PIK3C2A: variants seen among roughly 807,000 people sequenced by gnomAD.
The protein encoded by PIK3C2A is phosphatidylinositol 4-phosphate 3-kinase C2 domain-containing subunit alpha.
In PIK3C2A, 97 loss-of-function variants were observed where a neutral mutation model predicts 204.5. The observed-to-expected ratio is 0.47, with a 90% CI of 0.40 to 0.56. The LOEUF (loss-of-function observed/expected upper bound fraction) is 0.56. Among genes scored for constraint, PIK3C2A ranks in the 20% least tolerant of loss-of-function variants. The pLI, the probability that PIK3C2A is intolerant of heterozygous loss-of-function variation, is 0.00. For missense variants in PIK3C2A, 1,735 were observed against 1,969.2 expected (o/e 0.88, Z 2.25); for synonymous variants, 653 against 664.4 (o/e 0.98, Z 0.26).
At position 17,150,670 on chromosome 11, in the gene PIK3C2A, G is replaced by A. The variant is rs772664136; in HGVS notation, c.1170-15C>T. The A allele has an allele frequency of 3.2e-6, 5 of 1,560,186 alleles. No homozygotes were observed. In the East Asian group the frequency reaches 9.2e-5, roughly 29 times the overall value. On this transcript the variant is annotated splice_polypyrimidine_tract_variant and intron_variant, in intron 3 of 32. Coordinates refer to ENST00000691414, the MANE Select transcript of PIK3C2A (RefSeq NM_002645.4). ...TGGTCTTCAATCTGTTCACAAGAAA[G>A]AAGAAATTAAATTCTTTTTTAAAAA...
At chr11:17,102,084 A>C (rs539082291) in intron 24 of PIK3C2A, among the ~76,000 whole-genome samples, 163 of 152,230 alleles carry the variant, frequency 1.1e-3, no homozygotes, top group African/African-American at 3.7e-3. Context: ...ACACGAAATC[A>C]TTTCTTTCTA....
At chr11:17,101,883 G>A (rs746443579) in intron 24 of PIK3C2A, among the ~76,000 whole-genome samples, 23 of 151,960 alleles carry the variant, frequency 1.5e-4, no homozygotes, top group Middle Eastern at 3.4e-3. Flanking sequence ...GATTACAGGC[G>A]TGAGCCACTG....
chr11:17,126,001 G>A (rs956697154), intron 13 of PIK3C2A, among the ~76,000 whole-genome samples: 2 of 151,974 alleles, frequency 1.3e-5, no homozygotes, highest in African/African-American at 4.8e-5. Flanking sequence ...GCACACACCT[G>A]TAATCTCAGC....
chr11:17,202,209 T>C (rs1388642440), intron 1 of PIK3C2A, among the ~76,000 whole-genome samples: 1 of 150,000 alleles, frequency 6.7e-6, no homozygotes, highest in Non-Finnish European at 1.5e-5. Flanking sequence ...TGAGCTGAGA[T>C]TGCGCCATTG....
chr11:17,119,512 T>G (rs1052435117), intron 16 of PIK3C2A, among the ~76,000 whole-genome samples, 199 bp from the exon 17 acceptor site: 3 of 152,222 alleles, frequency 2.0e-5, no homozygotes, highest in African/African-American at 7.2e-5. Flanking sequence ...TATTTAGGAA[T>G]CTTAAGTTTA....
intron 13 of PIK3C2A, among the ~76,000 whole-genome samples, chr11:17,125,468 A>T (rs1358884700): frequency 6.6e-6 from 1 of 152,174 alleles, no homozygotes; most frequent in African/African-American, 2.4e-5. Flanking sequence ...TTGCAAAATT[A>T]TAATATTCTA....
At chr11:17,099,657 A>G (rs1848558136) in intron 26 of PIK3C2A, among the ~76,000 whole-genome samples, 1 of 152,232 alleles carries the variant, frequency 6.6e-6, no homozygotes, top group Non-Finnish European at 1.5e-5. Flanking sequence ...GAGGCAAATA[A>G]GTATATTTTA....
intron 11 of PIK3C2A, among the ~76,000 whole-genome samples, chr11:17,132,500 T>G (rs1590944538): frequency 1.3e-5 from 2 of 149,246 alleles, no homozygotes; most frequent in East Asian, 3.9e-4. Context: ...CGGCTAATTT[T>G]TTGTATTTTT....
At chr11:17,197,837 T>C (rs556182263) in intron 1 of PIK3C2A, among the ~76,000 whole-genome samples, 2 of 152,338 alleles carry the variant, frequency 1.3e-5, no homozygotes, top group South Asian at 2.1e-4. Flanking sequence ...TTATGGTATA[T>C]ACCTGCATTT....
At chr11:17,185,064 T>A (rs1851708419) in intron 1 of PIK3C2A, among the ~76,000 whole-genome samples, 1 of 152,130 alleles carries the variant, frequency 6.6e-6, no homozygotes, top group Non-Finnish European at 1.5e-5. Flanking sequence ...TTGCATTCAC[T>A]CACTATTCAC....
intron 2 of PIK3C2A, among the ~76,000 whole-genome samples, chr11:17,166,856 T>G (rs1457873713): frequency 6.6e-6 from 1 of 152,096 alleles, no homozygotes. Flanking sequence ...ACCTATAAAA[T>G]AGAGACCCAC....
intron 3 of PIK3C2A, among the ~76,000 whole-genome samples, chr11:17,152,357 T>G (rs936398763): frequency 6.6e-6 from 1 of 152,204 alleles, no homozygotes; most frequent in African/African-American, 2.4e-5. Flanking sequence ...CCATGGTTTG[T>G]TTGCTTTATA....
At chr11:17,144,826 C>T (rs1850175922) in intron 8 of PIK3C2A, among the ~76,000 whole-genome samples, 1 of 132,228 alleles carries the variant, frequency 7.6e-6, no homozygotes, top group African/African-American at 2.8e-5. Context: ...AACCAGGAGG[C>T]AGAGGTTGCA....
At chr11:17,207,522 GC>G (rs1169741107) in intron 1 of PIK3C2A, among the ~76,000 whole-genome samples, 1 of 151,514 alleles carries the variant, frequency 6.6e-6, no homozygotes, top group Non-Finnish European at 1.5e-5. Flanking sequence ...GGGGCCGGCG[GC>G]CGGGGGGCCT....
intron 1 of PIK3C2A, among the ~76,000 whole-genome samples, chr11:17,199,716 G>A (rs1295774152): frequency 1.3e-5 from 2 of 152,156 alleles, no homozygotes; most frequent in African/African-American, 2.4e-5. Context: ...GCCAAGGCAG[G>A]TGGATCAAGA....
At chr11:17,099,805 A>G in intron 26 of PIK3C2A, 55 bp downstream of exon 26, 1 of 812,870 alleles carries the variant, frequency 1.2e-6, no homozygotes, top group Non-Finnish European at 2.1e-6. Context: ...CTAAGGTAAA[A>G]CAAATCAAAG....
chr11:17,094,307 G>C lies in PIK3C2A; in HGVS notation c.4405C>G (p.Leu1469Val), dbSNP rs1218758405. ...AAAATAATACTGAGCTTATTGTGAA[G>C]TTCCTGAAATTCGTCAAATGTTCGG... is the stretch of plus-strand genomic sequence containing the variant. ...VFRTFDEFQELHNKLSIIFPL... is the reference protein window; with the variant it reads ...VFRTFDEFQEVHNKLSIIFPL... Residue 1469 changes from leucine to valine, a missense_variant, in exon 28 of 33, where the codon CTT (leucine) becomes GTT (valine). Transcript: ENST00000691414. The C allele has an allele frequency of 6.2e-7, 1 of 1,610,632 alleles. No homozygotes were observed. Among genetic ancestry groups the C allele is most frequent in the Non-Finnish European group, 8.5e-7 (1 of 1,176,828 alleles).
intron 2 of PIK3C2A, among the ~76,000 whole-genome samples, chr11:17,157,296 C>T (rs1231489169): frequency 6.6e-6 from 1 of 151,898 alleles, no homozygotes. Flanking sequence ...CTTGTCTCTA[C>T]TAAAAATACA....
intron 26 of PIK3C2A, among the ~76,000 whole-genome samples, chr11:17,098,597 A>C (rs1050192644): frequency 1.4e-4 from 21 of 152,244 alleles, no homozygotes; most frequent in African/African-American, 4.6e-4. Flanking sequence ...AGGGGAGCCA[A>C]TGAATCTCTC....
Sources: gnomAD v4.1 joint callset for allele counts (sites outside exome capture counted in the v4.1 genomes callset) on GRCh38, gnomAD v4.1.1 for gene constraint, MANE v1.5 for transcripts, NCBI Gene and HGNC (gene_info 2026-07-23, HGNC 2026-07-21) for gene names.